The following RMC1 variants were observed in gnomAD, a reference collection of about 807,000 sequenced individuals.
RMC1 encodes the protein regulator of MON1-CCZ1.
In RMC1, 44 loss-of-function variants were observed where a neutral mutation model predicts 95.5. The observed-to-expected ratio is 0.46, with a 90% confidence interval of 0.36 to 0.59. The LOEUF (loss-of-function observed/expected upper bound fraction) is 0.59, where lower values mean the gene tolerates loss of function less well. RMC1 is among the 20% of genes least tolerant of loss of function. The probability of loss-of-function intolerance (pLI) is 0.00; values close to 1 mark genes in which losing one functional copy is unlikely to be tolerated. For synonymous variants in RMC1, 320 were observed against 303.6 expected, an observed-to-expected ratio of 1.05 and a Z score of -0.56; for missense variants, 705 against 819.6, an observed-to-expected ratio of 0.86 and a Z score of 1.71.
chr18:23,516,537 G>C (rs756409120), intron 7 of RMC1, 114 bp downstream of exon 7: 5 of 1,039,878 alleles, frequency 4.8e-6, no homozygotes, highest in Non-Finnish European at 7.3e-6. Context: ...CACATAAGGA[G>C]GACTCCCCTT....
intron 14 of RMC1, 36 bp downstream of exon 14, chr18:23,527,937 C>T (rs1254798900): frequency 2.0e-6 from 3 of 1,486,582 alleles, no homozygotes; most frequent in Middle Eastern, 1.7e-4. Flanking sequence ...GGTCCTCCTC[C>T]CCCACCCCCT....
intron 4 of RMC1, 88 bp downstream of exon 4, chr18:23,508,129 G>A (rs914627840): frequency 1.6e-6 from 2 of 1,230,444 alleles, no homozygotes; most frequent in Non-Finnish European, 2.2e-6. Flanking sequence ...GGGTCGCAGG[G>A]AGCACAGACT....
chr18:23,524,628 T>C lies in RMC1; in HGVS notation c.1060+146T>C, dbSNP rs565980219. On this transcript the variant is annotated intron_variant, in intron 12 of 19. Coordinates refer to ENST00000269221, the MANE Select transcript of RMC1 (RefSeq NM_013326.5). ...GGAATGGGATTTTTTTTTTTCACTT[T>C]ATACGTTTTTTACTATATGTGCATT... 2.8e-5 allele frequency: 21 copies of C among 746,466 alleles called. No homozygotes were observed. In the East Asian group the frequency reaches 5.5e-4, roughly 20 times the overall value. The allele number at this position is 746,466 out of a possible 1,614,324, so 46.2% of individuals were successfully genotyped here.
At position 23,504,512 on chromosome 18, in the gene RMC1, A is replaced by G. The variant is rs901786697; in HGVS notation, c.179+65A>G. The G allele has an allele frequency of 6.9e-6, 10 of 1,440,436 alleles. No homozygotes were observed. In the African/African-American group the frequency reaches 1.3e-4, roughly 18 times the overall value. 89.2% of individuals were successfully genotyped at this position (1,440,436 alleles called of 1,614,324 possible). On this transcript the variant is annotated intron_variant, in intron 2 of 19. Coordinates refer to ENST00000269221, the MANE Select transcript of RMC1 (RefSeq NM_013326.5). Reference sequence around the variant, plus strand: ...ACAGAATGATGTTTTTCTAATTCAAATGGTTTTTTATAATTTTGTCATTTG... The same window carrying G: ...ACAGAATGATGTTTTTCTAATTCAAGTGGTTTTTTATAATTTTGTCATTTG...
chr18:23,527,589 CTTTTT>C (rs71163615), intron 13 of RMC1, among the ~76,000 whole-genome samples: 72 of 108,368 alleles, frequency 6.6e-4, no homozygotes, highest in Non-Finnish European at 1.1e-3. Context: ...CCTGCTATAG[CTTTTT>C]TTTTTTTTTT....
chr18:23,522,668 C>T (rs1385222479), intron 10 of RMC1: 1 of 152,142 alleles, frequency 6.6e-6, no homozygotes, highest in East Asian at 1.9e-4. Context: ...ACCATCTGGT[C>T]ATAAGGGAAC....
chr18:23,529,485 G>A, intron 15 of RMC1, 150 bp from the exon 16 acceptor site: 1 of 1,245,274 alleles, frequency 8.0e-7, no homozygotes, highest in Non-Finnish European at 1.1e-6. Context: ...ATTGTTGACG[G>A]GTGGTTCTGG....
intron 16 of RMC1, 61 bp downstream of exon 16, chr18:23,529,773 C>G (rs1368587673): frequency 8.0e-6 from 12 of 1,491,634 alleles, no homozygotes; most frequent in South Asian, 1.1e-5. Flanking sequence ...AAAACACAGT[C>G]ACTGTCTTAG....
At chr18:23,529,339 C>A in intron 15 of RMC1, 41 bp downstream of exon 15, 1 of 1,583,236 alleles carries the variant, frequency 6.3e-7, no homozygotes, top group Admixed American at 1.9e-5. Flanking sequence ...TGAGAATGCT[C>A]AAAACAAGGA....
At chr18:23,528,979 A>G in intron 14 of RMC1, 200 bp from the exon 15 acceptor site, 1 of 749,998 alleles carries the variant, frequency 1.3e-6, no homozygotes, top group Non-Finnish European at 2.0e-6. Flanking sequence ...TCCTGGGTTC[A>G]AGGGATTCTC....
intron 5 of RMC1, among the ~76,000 whole-genome samples, chr18:23,512,973 AG>A (rs2057902641): frequency 6.6e-6 from 1 of 151,604 alleles, no homozygotes; most frequent in Non-Finnish European, 1.5e-5. Context: ...TTTTTTTTTA[AG>A]ATGGAGTCTT....
rs749785444 is a variant in RMC1 at position 23,526,749 on chromosome 18, G to C, written c.1173G>C (p.Leu391=). The C allele has an allele frequency of 2.5e-5, 41 of 1,613,928 alleles. No homozygotes were observed. Among genetic ancestry groups the C allele is most frequent in the South Asian group, 1.1e-5 (1 of 91,084 alleles). ...GAAAGGAATGCAAGATGGTCATCCTGTCTGTCTGTTCACAGAGTAAGTTGA... is the reference window on the plus strand; with the variant it reads ...GAAAGGAATGCAAGATGGTCATCCTCTCTGTCTGTTCACAGAGTAAGTTGA... ...LQRKECKMVI[L]SVCSQMLSES... is the part of the protein sequence containing the mutation. Residue 391 remains leucine (L), a synonymous_variant, in exon 13 of 20, where the codon CTG becomes CTC. Transcript: ENST00000269221.
intron 2 of RMC1, 34 bp downstream of exon 2, chr18:23,504,481 A>G (rs2057665078): frequency 5.2e-6 from 8 of 1,524,558 alleles, no homozygotes; most frequent in Non-Finnish European, 7.3e-6. Flanking sequence ...TCATTTTGTC[A>G]TGTAAACAGA....
At chr18:23,504,470 A>G (rs1479115739) in intron 2 of RMC1, 23 bp downstream of exon 2, 1 of 1,570,044 alleles carries the variant, frequency 6.4e-7, no homozygotes, top group East Asian at 2.2e-5. Flanking sequence ...ACACTTTCAG[A>G]TCATTTTGTC....
intron 5 of RMC1, among the ~76,000 whole-genome samples, chr18:23,514,644 A>G (rs1203572688): frequency 6.6e-6 from 1 of 152,226 alleles, no homozygotes; most frequent in Admixed American, 6.5e-5. Context: ...AGAATTTTGT[A>G]CATGTGATTG....
chr18:23,516,173 G>T, intron 6 of RMC1, 147 bp from the exon 7 acceptor site: 1 of 1,285,028 alleles, frequency 7.8e-7, no homozygotes. Context: ...TTCTATGCTG[G>T]GCAGACAGGC....
chr18:23,510,624 G>A (rs549083629), intron 5 of RMC1, among the ~76,000 whole-genome samples: 2 of 151,778 alleles, frequency 1.3e-5, no homozygotes, highest in South Asian at 4.2e-4. Flanking sequence ...TCCAGCCTGG[G>A]CAACAGAGCG....
intron 18 of RMC1, 38 bp downstream of exon 18, chr18:23,530,335 A>C (rs374571493): frequency 3.1e-6 from 5 of 1,614,048 alleles, no homozygotes; most frequent in Non-Finnish European, 3.4e-6. Context: ...TATGGAAACT[A>C]ACTCTGTTCC....
chr18:23,521,625 C>T (rs1199845391), intron 10 of RMC1, among the ~76,000 whole-genome samples: 1 of 151,558 alleles, frequency 6.6e-6, no homozygotes, highest in East Asian at 1.9e-4. Flanking sequence ...TTATTTGCTT[C>T]GTTTTGCCTT....
Sources: gnomAD v4.1 joint callset for allele counts (sites outside exome capture counted in the v4.1 genomes callset) on GRCh38, gnomAD v4.1.1 for gene constraint, MANE v1.5 for transcripts, NCBI Gene and HGNC (gene_info 2026-07-23, HGNC 2026-07-21) for gene names.